The following QTMAN variants were observed in gnomAD, a reference collection of about 807,000 sequenced individuals.
QTMAN encodes the protein queuosine-tRNA mannosyltransferase.
the QTMAN span, among the ~76,000 whole-genome samples, chr2:143,974,904 G>A: frequency 6.6e-6 from 1 of 152,038 alleles, no homozygotes. Context: ...TTTGACAGCT[G>A]CCAATCAAGA....
chr2:144,039,576 T>C, the QTMAN span, among the ~76,000 whole-genome samples: 1 of 152,306 alleles, frequency 6.6e-6, no homozygotes, highest in African/African-American at 2.4e-5. Flanking sequence ...TGTTCAGTAA[T>C]GGAAGATAAA....
chr2:144,286,195 C>A, the QTMAN span, among the ~76,000 whole-genome samples: 184 of 152,284 alleles, frequency 1.2e-3, no homozygotes, highest in African/African-American at 4.0e-3. Flanking sequence ...TGAGCCACAT[C>A]ATCTAACACA....
chr2:144,328,195 C>A, the QTMAN span, among the ~76,000 whole-genome samples: 1 of 152,174 alleles, frequency 6.6e-6, no homozygotes, highest in African/African-American at 2.4e-5. Context: ...AGGTGATCCA[C>A]CAGTCTTGGC....
At chr2:144,125,517 G>A in the QTMAN span, among the ~76,000 whole-genome samples, 7 of 151,894 alleles carry the variant, frequency 4.6e-5, no homozygotes, top group Non-Finnish European at 1.0e-4. Flanking sequence ...GTGTTGTGAT[G>A]AGCTGTTAAA....
At chr2:144,057,779 C>G in the QTMAN span, among the ~76,000 whole-genome samples, 18 of 152,160 alleles carry the variant, frequency 1.2e-4, no homozygotes, top group East Asian at 3.5e-3. Context: ...GAAGAAACTC[C>G]CACATGGAAA....
chr2:144,093,135 G>T, the QTMAN span, among the ~76,000 whole-genome samples: 1 of 152,086 alleles, frequency 6.6e-6, no homozygotes, highest in Non-Finnish European at 1.5e-5. Flanking sequence ...GGTCATAATG[G>T]ATTTACAGGA....
At chr2:144,308,092 TG>T in the QTMAN span, among the ~76,000 whole-genome samples, 1 of 151,744 alleles carries the variant, frequency 6.6e-6, no homozygotes, top group Admixed American at 6.6e-5. Context: ...AACAGTGTTA[TG>T]TTGGCATGAT....
chr2:144,076,841 G>A, the QTMAN span, among the ~76,000 whole-genome samples: 1 of 151,990 alleles, frequency 6.6e-6, no homozygotes, highest in South Asian at 2.1e-4. Context: ...ACCACAGGCC[G>A]GGCACAGTGG....
chr2:144,060,258 ATTT>A, the QTMAN span, among the ~76,000 whole-genome samples: 2 of 148,122 alleles, frequency 1.4e-5, no homozygotes, highest in African/African-American at 2.5e-5. Flanking sequence ...AAGCATCTTA[ATTT>A]TTTTTTTTCT....
At chr2:144,042,868 G>T in the QTMAN span, among the ~76,000 whole-genome samples, 1 of 152,090 alleles carries the variant, frequency 6.6e-6, no homozygotes, top group African/African-American at 2.4e-5. Flanking sequence ...TACTAGGATG[G>T]TAAGTACTGA....
chr2:144,054,693 C>T, the QTMAN span, among the ~76,000 whole-genome samples: 1 of 152,132 alleles, frequency 6.6e-6, no homozygotes, highest in Admixed American at 6.5e-5. Flanking sequence ...TCAACTAGGC[C>T]TGACTCCTGC....
At chr2:144,139,977 G>C in the QTMAN span, among the ~76,000 whole-genome samples, 3 of 151,862 alleles carry the variant, frequency 2.0e-5, no homozygotes, top group Non-Finnish European at 4.4e-5. Flanking sequence ...TAATCACCTT[G>C]GTTATTTTGC....
chr2:144,270,324 G>T, the QTMAN span, among the ~76,000 whole-genome samples: 1 of 152,124 alleles, frequency 6.6e-6, no homozygotes, highest in Non-Finnish European at 1.5e-5. Context: ...CAATGGATTT[G>T]AAATCATCCA....
chr2:144,133,930 T>C, the QTMAN span, among the ~76,000 whole-genome samples: 1 of 152,076 alleles, frequency 6.6e-6, no homozygotes, highest in Non-Finnish European at 1.5e-5. Context: ...CATTTCATTA[T>C]TTCACAGAGC....
At chr2:144,157,781 A>G in the QTMAN span, among the ~76,000 whole-genome samples, 3 of 151,558 alleles carry the variant, frequency 2.0e-5, no homozygotes, top group Admixed American at 1.3e-4. Context: ...TATAACACAT[A>G]TATAACTATA....
At chr2:144,100,433 T>C in the QTMAN span, among the ~76,000 whole-genome samples, 3 of 152,210 alleles carry the variant, frequency 2.0e-5, no homozygotes, top group Non-Finnish European at 2.9e-5. Context: ...AGAATAAGCA[T>C]AGAAAAATGA....
At chr2:144,133,131 AT>A in the QTMAN span, among the ~76,000 whole-genome samples, 236 of 48,600 alleles carry the variant, frequency 4.9e-3, 9 homozygotes, top group African/African-American at 0.017. Flanking sequence ...ATATATATAT[AT>A]ATATATATAT....
chr2:144,248,047 T>C, the QTMAN span, among the ~76,000 whole-genome samples: 1 of 152,208 alleles, frequency 6.6e-6, no homozygotes, highest in South Asian at 2.1e-4. Flanking sequence ...ACTAGGTGAA[T>C]GTATTACTTT....
At chr2:143,969,946 T>C in the QTMAN span, among the ~76,000 whole-genome samples, 1 of 152,180 alleles carries the variant, frequency 6.6e-6, no homozygotes. Flanking sequence ...ATTTCTGAAA[T>C]ATTGTTGCTT....
Sources: allele counts gnomAD v4.1 joint callset (sites outside exome capture counted in the v4.1 genomes callset), GRCh38; gene constraint gnomAD v4.1.1; transcripts MANE v1.5; gene names NCBI Gene and HGNC (gene_info 2026-07-23, HGNC 2026-07-21).